The following CASR variants were observed in gnomAD, a reference collection of about 807,000 sequenced individuals.
CASR encodes the protein calcium sensing receptor.
CASR carries 23 observed loss-of-function variants against 69.1 expected under a neutral mutation model. That is an observed-to-expected ratio of 0.33 (90% CI 0.24 to 0.47). CASR has a LOEUF of 0.47. Ranked by LOEUF, CASR falls within the 20% of genes least tolerant of loss-of-function variation. The pLI is 1.00. For missense variants in CASR, 924 were observed against 1,356.1 expected, an observed-to-expected ratio of 0.68 and a Z score of 5.00; for synonymous variants, 541 against 544.7, an observed-to-expected ratio of 0.99 and a Z score of 0.10.
chr3:122,209,677 A>G (rs1022094521), intron 1 of CASR, among the ~76,000 whole-genome samples: 4 of 152,186 alleles, frequency 2.6e-5, no homozygotes, highest in African/African-American at 9.6e-5. Context: ...ACAATTCAAG[A>G]TGAGATTTGG....
At chr3:122,281,372 A>G (rs1030661571) in intron 5 of CASR, among the ~76,000 whole-genome samples, 1 of 152,184 alleles carries the variant, frequency 6.6e-6, no homozygotes, top group African/African-American at 2.4e-5. Context: ...AAATGTATGC[A>G]CTTATTTTTC....
intron 1 of CASR, 144 bp from the exon 2 acceptor site, chr3:122,253,804 A>G: frequency 4.0e-6 from 1 of 252,934 alleles, no homozygotes; most frequent in South Asian, 4.9e-5. Context: ...AAGTGCTATA[A>G]AAATGTGACT....
At chr3:122,233,125 G>A (rs1269355632) in intron 1 of CASR, among the ~76,000 whole-genome samples, 1 of 152,082 alleles carries the variant, frequency 6.6e-6, no homozygotes, top group Admixed American at 6.5e-5. Context: ...ATTAAGATAT[G>A]GAATCATAGA....
At chr3:122,198,408 TTA>T (rs1268272539) in intron 1 of CASR, among the ~76,000 whole-genome samples, 1 of 152,208 alleles carries the variant, frequency 6.6e-6, no homozygotes, top group East Asian at 1.9e-4. Context: ...TCATTAAATA[TTA>T]TGTTTTTGTG....
At chr3:122,252,914 G>A (rs1004274188) in intron 1 of CASR, among the ~76,000 whole-genome samples, 1 of 152,196 alleles carries the variant, frequency 6.6e-6, no homozygotes, top group African/African-American at 2.4e-5. Context: ...CCATCAACCT[G>A]TAATTGGTAA....
At chr3:122,243,978 A>G (rs1450812189) in intron 1 of CASR, among the ~76,000 whole-genome samples, 2 of 152,164 alleles carry the variant, frequency 1.3e-5, no homozygotes, top group Non-Finnish European at 2.9e-5. Flanking sequence ...AATTAAAACA[A>G]TTGAACTCAT....
At chr3:122,240,579 A>C (rs1326588776) in intron 1 of CASR, among the ~76,000 whole-genome samples, 1 of 152,234 alleles carries the variant, frequency 6.6e-6, no homozygotes, top group Non-Finnish European at 1.5e-5. Context: ...CAGTACAATA[A>C]TAGCTACAGA....
chr3:122,234,355 G>A (rs2074308344), intron 1 of CASR, among the ~76,000 whole-genome samples: 1 of 152,156 alleles, frequency 6.6e-6, no homozygotes, highest in African/African-American at 2.4e-5. Flanking sequence ...CACCAGATTT[G>A]GCCCATGGAA....
Position 122,220,216 on chromosome 3 carries a change from AC to A in CASR, c.-242-33731del, listed in dbSNP as rs374504207. On this transcript the variant is annotated intron_variant, in intron 1 of 6. Coordinates refer to ENST00000639785, the MANE Select transcript of CASR (RefSeq NM_000388.4). ...AGGATGATCCATTCTGGTGTCAGTT[AC>A]AAAAAACAGCAGCATACCTCTTCCT... Among the ~76,000 whole-genome samples, 48 of 152,326 alleles carry A rather than the reference AC, an allele frequency of 3.2e-4. No homozygotes were observed. The East Asian group carries it at 8.7e-3, about 28-fold the overall frequency.
chr3:122,290,731 CT>C lies in CASR; in HGVS notation c.*5550del, dbSNP rs560521489. ...CCCCTCCTCCAAATTTTTCTTTATT[CT>C]TTTTTTTTTATTATACTTTAAGTTT... On this transcript the variant is annotated 3_prime_UTR_variant, in exon 7 of 7. Coordinates refer to ENST00000639785, the MANE Select transcript of CASR (RefSeq NM_000388.4). The C allele has an allele frequency of 9.1e-4, 136 of 148,986 alleles. No individual in the cohort carries two copies. Among genetic ancestry groups the C allele is most frequent in the Middle Eastern group, 3.4e-3 (1 of 290 alleles). The allele number at this position is 148,986 out of a possible 1,614,324, so 9.2% of individuals were successfully genotyped here. A position where few individuals can be genotyped will look rare whatever the true frequency, so the allele number is the denominator to read the frequency against.
intron 5 of CASR, among the ~76,000 whole-genome samples, chr3:122,279,948 C>T (rs2074867818): frequency 2.0e-5 from 3 of 152,266 alleles, no homozygotes; most frequent in Admixed American, 1.3e-4. Context: ...CTAATGCTCT[C>T]CACCCCACTA....
At chr3:122,260,147 G>A (rs149896989) in intron 3 of CASR, among the ~76,000 whole-genome samples, 1 of 152,300 alleles carries the variant, frequency 6.6e-6, no homozygotes, top group East Asian at 1.9e-4. Flanking sequence ...CATCAAAGAT[G>A]TGGATCTCCT....
chr3:122,209,170 A>G (rs1380414890), intron 1 of CASR, among the ~76,000 whole-genome samples: 1 of 152,102 alleles, frequency 6.6e-6, no homozygotes, highest in African/African-American at 2.4e-5. Flanking sequence ...TTTCCAGTTG[A>G]TGCTGATGCT....
rs985026922 is a variant in CASR, at chr3:122,220,302, A to G, written c.-242-33646A>G. 3.3e-5 allele frequency among the ~76,000 whole-genome samples: 5 copies of G among 152,340 alleles called. No individual in the cohort carries two copies. The East Asian group carries it at 7.7e-4, about 23-fold the overall frequency. ...CTTCCTCCAGTCTCAATCCCCAGCC[A>G]ATGCTGATTTCTACCCAACAACACC... is the stretch of plus-strand genomic sequence containing the variant. On this transcript the variant is annotated intron_variant, in intron 1 of 6. Transcript: ENST00000639785.
intron 1 of CASR, among the ~76,000 whole-genome samples, chr3:122,203,678 T>G (rs2073979149): frequency 6.6e-6 from 1 of 152,212 alleles, no homozygotes; most frequent in Non-Finnish European, 1.5e-5. Flanking sequence ...TGTGAAGGCC[T>G]AGGACTCACT....
Position 122,256,071 on chromosome 3 carries a change from A to G in CASR, c.186-1010A>G, listed in dbSNP as rs113640802. ...TTATTTAAAATGTTCTTCTTTGAAA[A>G]GCAATGCATGTTCATTTTTTAGATA... On this transcript the variant is annotated intron_variant, in intron 2 of 6. Transcript: ENST00000639785. Among the ~76,000 whole-genome samples, 178 of 152,350 alleles carry G rather than the reference A, an allele frequency of 1.2e-3. 1 individual carries two copies. Among genetic ancestry groups the G allele is most frequent in the African/African-American group, 4.3e-3 (178 of 41,576 alleles).
At chr3:122,283,092 G>T (rs2074912761) in intron 6 of CASR, among the ~76,000 whole-genome samples, 1 of 152,198 alleles carries the variant, frequency 6.6e-6, no homozygotes, top group Non-Finnish European at 1.5e-5. Flanking sequence ...CAGGTCATGT[G>T]CATGGGATAC....
At chr3:122,215,832 A>C (rs987345879) in intron 1 of CASR, among the ~76,000 whole-genome samples, 4 of 152,222 alleles carry the variant, frequency 2.6e-5, no homozygotes, top group African/African-American at 9.6e-5. Context: ...CACCCATGTC[A>C]GAAGTGACCA....
At chr3:122,184,421 A>C (rs905042148) in intron 1 of CASR, 1 of 152,350 alleles carries the variant, frequency 6.6e-6, no homozygotes, top group Non-Finnish European at 1.5e-5. Context: ...TGGCATAGGG[A>C]GCGGGGCTGC....
Sources: gnomAD v4.1 joint callset for allele counts (sites outside exome capture counted in the v4.1 genomes callset) on GRCh38, gnomAD v4.1.1 for gene constraint, MANE v1.5 for transcripts, NCBI Gene and HGNC (gene_info 2026-07-23, HGNC 2026-07-21) for gene names.